Variants in LRRC7 observed in about 807,000 individuals in gnomAD.
LRRC7 encodes the protein leucine rich repeat containing 7.
LRRC7 carries 23 observed loss-of-function variants against 175.7 expected under a neutral mutation model. The observed-to-expected ratio is 0.13, with a 90% CI of 0.09 to 0.19. The LOEUF (loss-of-function observed/expected upper bound fraction) is 0.19. LRRC7 is among the 10% of genes least tolerant of loss of function. LRRC7 has a pLI of 1.00. For missense variants in LRRC7, 1,354 were observed against 1,904.7 expected (o/e 0.71, Z 5.38); for synonymous variants, 685 against 680.9 (o/e 1.01, Z -0.09).
chr1:69,714,885 A>C (rs1665172121), intron 2 of LRRC7, among the ~76,000 whole-genome samples: 1 of 152,190 alleles, frequency 6.6e-6, no homozygotes, highest in Non-Finnish European at 1.5e-5. Context: ...TTATCAGGAA[A>C]TTATGTCTGC....
intron 22 of LRRC7, among the ~76,000 whole-genome samples, chr1:70,051,098 G>T (rs1660712077): frequency 6.6e-6 from 1 of 151,878 alleles, no homozygotes; most frequent in South Asian, 2.1e-4. Flanking sequence ...CATTATATTA[G>T]GATTTTGACT....
chr1:69,913,388 A>C (rs1646590206), intron 7 of LRRC7, among the ~76,000 whole-genome samples: 1 of 152,244 alleles, frequency 6.6e-6, no homozygotes, highest in Non-Finnish European at 1.5e-5. Context: ...TATTAACTAA[A>C]GAAAACATTT....
chr1:70,054,041 A>G (rs1023071473), intron 23 of LRRC7, among the ~76,000 whole-genome samples: 2 of 152,182 alleles, frequency 1.3e-5, no homozygotes, highest in African/African-American at 4.8e-5. Flanking sequence ...AATATGAAAC[A>G]TTATCACTTT....
intron 8 of LRRC7, among the ~76,000 whole-genome samples, chr1:69,957,993 A>C (rs1427197147): frequency 6.6e-6 from 1 of 151,984 alleles, no homozygotes; most frequent in African/African-American, 2.4e-5. Context: ...TATTTTCAAC[A>C]TTTCAAATAT....
intron 2 of LRRC7, among the ~76,000 whole-genome samples, chr1:69,718,146 AAG>A: frequency 3.9e-5 from 3 of 76,428 alleles, no homozygotes; most frequent in Non-Finnish European, 5.9e-5. Context: ...AAGAGAGAGA[AAG>A]AAAGAAAGAA....
At chr1:70,078,606 T>C (rs531781528) in intron 24 of LRRC7, among the ~76,000 whole-genome samples, 2 of 152,270 alleles carry the variant, frequency 1.3e-5, no homozygotes, top group East Asian at 3.9e-4. Context: ...AAGAAAGAGA[T>C]ACTAGGACTA....
At chr1:70,105,655 ATTTCT>A (rs1665094477) in intron 25 of LRRC7, among the ~76,000 whole-genome samples, 1 of 152,154 alleles carries the variant, frequency 6.6e-6, no homozygotes, top group African/African-American at 2.4e-5. Flanking sequence ...ATTTACTATA[ATTTCT>A]TTAATCAATG....
rs117240260 is a variant in LRRC7, at chr1:69,893,953, T to C, written c.648-37554T>C. On this transcript the variant is annotated intron_variant, in intron 7 of 26. Coordinates refer to ENST00000651989, the MANE Select transcript of LRRC7 (RefSeq NM_001370785.2). ...TGCAGGATGCAAGGAGATTCATTGGTGTGGGAGGCATCGGCTACTGAATGT... is the reference window on the plus strand; with the variant it reads ...TGCAGGATGCAAGGAGATTCATTGGCGTGGGAGGCATCGGCTACTGAATGT... Among the ~76,000 whole-genome samples, 730 of 152,174 alleles carry C rather than the reference T, an allele frequency of 4.8e-3. 21 individuals are homozygous for C. The East Asian group carries it at 0.08, about 17-fold the overall frequency.
intron 22 of LRRC7, among the ~76,000 whole-genome samples, chr1:70,044,485 G>C (rs1660177840): frequency 6.6e-6 from 1 of 152,094 alleles, no homozygotes; most frequent in South Asian, 2.1e-4. Context: ...TGAGAACAGA[G>C]CTCAAAATTA....
chr1:69,736,320 C>T (rs1182713268), intron 2 of LRRC7, among the ~76,000 whole-genome samples: 2 of 152,030 alleles, frequency 1.3e-5, no homozygotes, highest in African/African-American at 4.8e-5. Context: ...TTAACATTTG[C>T]TAAGTCATTT....
intron 1 of LRRC7, among the ~76,000 whole-genome samples, chr1:69,646,068 T>A (rs1654964944): frequency 6.6e-6 from 1 of 152,124 alleles, no homozygotes; most frequent in African/African-American, 2.4e-5. Flanking sequence ...ATTAAAAAGA[T>A]GTACATAATG....
At chr1:69,749,403 G>T (rs1669586105) in intron 2 of LRRC7, among the ~76,000 whole-genome samples, 2 of 152,106 alleles carry the variant, frequency 1.3e-5, no homozygotes, top group Non-Finnish European at 2.9e-5. Flanking sequence ...TATAAATATG[G>T]AACAGAAGAT....
At chr1:69,591,929 C>A (rs767153300) in intron 1 of LRRC7, among the ~76,000 whole-genome samples, 11 of 151,888 alleles carry the variant, frequency 7.2e-5, no homozygotes, top group Non-Finnish European at 1.3e-4. Flanking sequence ...TTTTTTAATT[C>A]TTTTTGCCTT....
chr1:69,753,892 T>C (rs958880283), intron 2 of LRRC7, among the ~76,000 whole-genome samples: 2 of 152,080 alleles, frequency 1.3e-5, no homozygotes, highest in African/African-American at 4.8e-5. Flanking sequence ...AAAGAAGTCA[T>C]TCTCCCTTTT....
At chr1:69,575,479 C>T (rs575511049) in intron 1 of LRRC7, among the ~76,000 whole-genome samples, 8 of 152,188 alleles carry the variant, frequency 5.3e-5, no homozygotes, top group Admixed American at 1.3e-4. Context: ...ATTGCCTTAT[C>T]CTCCACTTTG....
intron 1 of LRRC7, among the ~76,000 whole-genome samples, chr1:69,572,511 T>C (rs1186259300): frequency 6.6e-6 from 1 of 152,178 alleles, no homozygotes; most frequent in Non-Finnish European, 1.5e-5. Flanking sequence ...GTTTGAATGA[T>C]GGTTGCCACA....
Position 69,576,989 on chromosome 1 carries a change from A to G in LRRC7, c.2+8348A>G, listed in dbSNP as rs187029719. Among the ~76,000 whole-genome samples the G allele has an allele frequency of 1.1e-3, 173 of 152,250 alleles. 1 individual carries two copies. The highest frequency in any genetic ancestry group is 2.0e-3 in the Admixed American group (31 of 15,282). On this transcript the variant is annotated intron_variant, in intron 1 of 26. Coordinates refer to ENST00000651989, the MANE Select transcript of LRRC7 (RefSeq NM_001370785.2). ...ATGAGCGGTTATTTACACACGTAAT[A>G]TAAGGAGGATGGACGTTTTTTGTTT... is the stretch of plus-strand genomic sequence containing the variant.
chr1:70,087,523 G>A (rs891039633), intron 24 of LRRC7, among the ~76,000 whole-genome samples: 1 of 151,988 alleles, frequency 6.6e-6, no homozygotes, highest in Admixed American at 6.6e-5. Context: ...AGATCAACTA[G>A]CACACTGAAT....
intron 4 of LRRC7, among the ~76,000 whole-genome samples, chr1:69,823,240 G>T (rs970290969): frequency 2.0e-5 from 3 of 151,884 alleles, no homozygotes; most frequent in Admixed American, 2.0e-4. Context: ...TCTATCTTTT[G>T]TGTTCTCAGT....
Sources: gnomAD v4.1 joint callset for allele counts (sites outside exome capture counted in the v4.1 genomes callset) on GRCh38, gnomAD v4.1.1 for gene constraint, MANE v1.5 for transcripts, NCBI Gene and HGNC (gene_info 2026-07-23, HGNC 2026-07-21) for gene names.